SYNJ2: variants seen among roughly 807,000 people sequenced by gnomAD.
SYNJ2 encodes polyphosphatidylinositol phosphatase SYNJ2.
A neutral mutation model predicts 141.3 loss-of-function variants in SYNJ2; 116 were observed. The observed-to-expected ratio is 0.82, with a 90% CI of 0.71 to 0.96. The LOEUF (loss-of-function observed/expected upper bound fraction) is 0.96, where lower values mean the gene tolerates loss of function less well. Ranked by LOEUF, SYNJ2 falls within the 40% of genes least tolerant of loss-of-function variation. The pLI is 0.00. For synonymous variants in SYNJ2, 745 were observed against 777.7 expected, an observed-to-expected ratio of 0.96 and a Z score of 0.70; for missense variants, 1,873 against 1,934.8, an observed-to-expected ratio of 0.97 and a Z score of 0.60.
intron 12 of SYNJ2, chr6:158,067,552 G>A: frequency 1.0e-6 from 1 of 985,416 alleles, no homozygotes; most frequent in Non-Finnish European, 1.2e-6. Context: ...CTCGGGCCTT[G>A]GTTTTTTTGT....
At chr6:157,987,470 C>T (rs904510194) in intron 1 of SYNJ2, among the ~76,000 whole-genome samples, 17 of 151,646 alleles carry the variant, frequency 1.1e-4, no homozygotes, top group African/African-American at 2.7e-4. Context: ...GCACCGATCT[C>T]GGCTCACTGT....
intron 1 of SYNJ2, among the ~76,000 whole-genome samples, chr6:157,984,509 T>G (rs532782632): frequency 9.8e-5 from 15 of 152,294 alleles, no homozygotes; most frequent in Non-Finnish European, 1.5e-4. Flanking sequence ...GTTCAAGTGA[T>G]TCTCCTGCCT....
chr6:158,026,335 C>T (rs1021668087), intron 2 of SYNJ2, among the ~76,000 whole-genome samples: 1 of 152,254 alleles, frequency 6.6e-6, no homozygotes, highest in African/African-American at 2.4e-5. Flanking sequence ...GCTCCCCGCT[C>T]TGTCACCTTG....
intron 1 of SYNJ2, among the ~76,000 whole-genome samples, chr6:157,987,207 G>A (rs1198722918): frequency 1.3e-5 from 2 of 151,946 alleles, no homozygotes; most frequent in Non-Finnish European, 2.9e-5. Flanking sequence ...GGCTGGTATC[G>A]AACTCCTGAC....
intron 2 of SYNJ2, 88 bp downstream of exon 2, chr6:158,017,378 C>A: frequency 4.9e-5 from 55 of 1,125,368 alleles, no homozygotes; most frequent in Non-Finnish European, 6.3e-5. Flanking sequence ...TGCAGGCATT[C>A]TGTTTGACCG....
chr6:157,998,469 A>T (rs1156723412), intron 1 of SYNJ2, among the ~76,000 whole-genome samples: 1 of 152,222 alleles, frequency 6.6e-6, no homozygotes, highest in Admixed American at 6.5e-5. Context: ...TTCCATCTTG[A>T]TTGGGGTTCC....
At position 158,043,026 on chromosome 6, in the gene SYNJ2, G is replaced by A. The variant is rs1446034336; in HGVS notation, c.712-290G>A. 6.6e-6 allele frequency among the ~76,000 whole-genome samples: 1 copy of A among 152,184 alleles called. No individual in the cohort carries two copies. Among genetic ancestry groups the A allele is most frequent in the East Asian group, 1.9e-4 (1 of 5,200 alleles). On this transcript the variant is annotated intron_variant, in intron 4 of 26. Coordinates refer to ENST00000355585, the MANE Select transcript of SYNJ2 (RefSeq NM_003898.4). This position sits in a 1 kb window ranked among gnomAD's most constrained non-coding sequence, Gnocchi z 4.0. ...GGAAGGCTGTTCCTGGGATTTTCAG[G>A]GTGACGATAAGGTTGTGCCCTAGAA... is the stretch of plus-strand genomic sequence containing the variant.
chr6:158,046,897 C>A (rs547665102), intron 5 of SYNJ2, among the ~76,000 whole-genome samples: 2 of 148,834 alleles, frequency 1.3e-5, no homozygotes, highest in South Asian at 4.2e-4. Context: ...AGCTTCCCCC[C>A]ACCATATGCT....
intron 1 of SYNJ2, among the ~76,000 whole-genome samples, chr6:157,996,149 T>G (rs1036442262): frequency 2.6e-5 from 4 of 152,164 alleles, no homozygotes; most frequent in African/African-American, 9.7e-5. Context: ...ATTCTTACCT[T>G]CATTCTCCCA....
intron 4 of SYNJ2, among the ~76,000 whole-genome samples, chr6:158,035,761 A>C (rs1779604673): frequency 6.6e-6 from 1 of 152,116 alleles, no homozygotes; most frequent in Non-Finnish European, 1.5e-5. Flanking sequence ...CCCATTCAGT[A>C]TGGTGTTGGC....
intron 2 of SYNJ2, among the ~76,000 whole-genome samples, chr6:158,019,020 G>A (rs1342942100): frequency 2.0e-5 from 3 of 152,220 alleles, no homozygotes; most frequent in South Asian, 4.1e-4. Flanking sequence ...CACGGCTCCC[G>A]AGGCCACCTG....
At chr6:158,064,140 G>A (rs1054725994) in intron 9 of SYNJ2, among the ~76,000 whole-genome samples, 2 of 152,360 alleles carry the variant, frequency 1.3e-5, no homozygotes, top group East Asian at 1.9e-4. Context: ...CGGGAACAGC[G>A]GTTGTGTGTA....
chr6:158,080,494 A>C (rs1295600497), intron 18 of SYNJ2, among the ~76,000 whole-genome samples: 1 of 150,074 alleles, frequency 6.7e-6, no homozygotes, highest in Admixed American at 6.6e-5. Flanking sequence ...AAAAAAAAAA[A>C]AACGAGCATT....
rs1780046035 is a variant in SYNJ2, at chr6:158,043,204, G to A, written c.712-112G>A. 1.8e-5 allele frequency: 16 copies of A among 875,352 alleles called. No homozygotes were observed. The highest frequency in any genetic ancestry group is 4.2e-5 in the Admixed American group (2 of 47,934). 54.2% of individuals were successfully genotyped at this position (875,352 alleles called of 1,614,324 possible). A position where few individuals can be genotyped will look rare whatever the true frequency, so the allele number is the denominator to read the frequency against. On this transcript the variant is annotated intron_variant, in intron 4 of 26. Coordinates refer to ENST00000355585, the MANE Select transcript of SYNJ2 (RefSeq NM_003898.4). The surrounding 1 kb of genome is among the most constrained non-coding windows in gnomAD (Gnocchi z 4.0). Reference sequence around the variant, plus strand: ...CAGAGGACGCCGGAGTCCACCGTCCGCCCTTCATTCTGGCTGGTGTCGGGT... The same window carrying A: ...CAGAGGACGCCGGAGTCCACCGTCCACCCTTCATTCTGGCTGGTGTCGGGT...
At chr6:157,992,479 G>A (rs979832951) in intron 1 of SYNJ2, among the ~76,000 whole-genome samples, 11 of 147,070 alleles carry the variant, frequency 7.5e-5, no homozygotes, top group Non-Finnish European at 1.5e-4. Context: ...GCAGTGGTGC[G>A]ATCTCGGCTC....
chr6:158,035,856 TATC>T (rs1178148702), intron 4 of SYNJ2, among the ~76,000 whole-genome samples: 1 of 151,722 alleles, frequency 6.6e-6, no homozygotes, highest in Non-Finnish European at 1.5e-5. Context: ...CTGAAGAAAC[TATC>T]AACAGAGTGA....
chr6:158,081,780 C>T (rs1782708059), intron 20 of SYNJ2, among the ~76,000 whole-genome samples: 1 of 151,932 alleles, frequency 6.6e-6, no homozygotes. Context: ...TGCCACCACA[C>T]CCAGCTAATT....
chr6:158,062,259 G>A (rs374573790), intron 8 of SYNJ2, 95 bp downstream of exon 8: 29 of 1,544,626 alleles, frequency 1.9e-5, no homozygotes, highest in Middle Eastern at 2.4e-4. Flanking sequence ...TGCTGGGTGA[G>A]GCGGCAGAGG....
At chr6:157,993,060 T>C (rs1328785413) in intron 1 of SYNJ2, among the ~76,000 whole-genome samples, 1 of 152,216 alleles carries the variant, frequency 6.6e-6, no homozygotes, top group Non-Finnish European at 1.5e-5. Context: ...GTACATATAG[T>C]ACATAACATA....
Sources: allele counts gnomAD v4.1 joint callset (sites outside exome capture counted in the v4.1 genomes callset), GRCh38; gene constraint gnomAD v4.1.1; non-coding constraint Gnocchi (gnomAD v3.1); transcripts MANE v1.5; gene names NCBI Gene and HGNC (gene_info 2026-07-23, HGNC 2026-07-21).